The following HIPK2 variants were observed in gnomAD, a reference collection of about 807,000 sequenced individuals.
HIPK2 encodes homeodomain-interacting protein kinase 2.
In HIPK2, 27 loss-of-function variants were observed where a neutral mutation model predicts 113.7. That is an observed-to-expected ratio of 0.24 (90% CI 0.17 to 0.33). The LOEUF (loss-of-function observed/expected upper bound fraction) is 0.33. Ranked by LOEUF, HIPK2 falls within the 10% of genes least tolerant of loss-of-function variation. The pLI is 1.00. For synonymous variants in HIPK2, 631 were observed against 642.2 expected, an observed-to-expected ratio of 0.98 and a Z score of 0.26; for missense variants, 1,257 against 1,588.0, an observed-to-expected ratio of 0.79 and a Z score of 3.54.
intron 1 of HIPK2, among the ~76,000 whole-genome samples, chr7:139,729,521 CT>C (rs1228072451): frequency 2.0e-5 from 3 of 152,220 alleles, no homozygotes; most frequent in Non-Finnish European, 2.9e-5. Flanking sequence ...CAGGCCACCC[CT>C]CTTCATGCCC....
At position 139,775,219 on chromosome 7, in the gene HIPK2, A is replaced by T. The variant is rs1368869335; in HGVS notation, c.19+2386T>A. On this transcript the variant is annotated intron_variant, in intron 1 of 14. Transcript: ENST00000406875. ...CTGCTCGTTTAGCATGCACACAGGG[A>T]GTCCATGTGCTCTGATTGAGACAGG... 5.9e-5 allele frequency among the ~76,000 whole-genome samples: 9 copies of T among 152,344 alleles called. No homozygotes were observed. The South Asian group carries it at 1.2e-3, about 21-fold the overall frequency.
intron 14 of HIPK2, among the ~76,000 whole-genome samples, chr7:139,574,115 C>CTGGCACCTG (rs1161522617): frequency 2.0e-5 from 3 of 152,130 alleles, no homozygotes; most frequent in Non-Finnish European, 4.4e-5. Context: ...CGTGAGCCAC[C>CTGGCACCTG]GCACCCGGCC....
intron 2 of HIPK2, among the ~76,000 whole-genome samples, chr7:139,699,438 T>C (rs1178330964): frequency 2.0e-5 from 3 of 152,148 alleles, no homozygotes; most frequent in African/African-American, 4.8e-5. Context: ...GCCTCCTCTT[T>C]ATCACCTGGG....
At chr7:139,612,478 G>A (rs1001468765) in intron 9 of HIPK2, among the ~76,000 whole-genome samples, 6 of 152,158 alleles carry the variant, frequency 3.9e-5, no homozygotes, top group African/African-American at 1.2e-4. Context: ...ACTCTGATGA[G>A]CAAGTTATTC....
At position 139,714,792 on chromosome 7, in the gene HIPK2, A is replaced by AC. The variant is rs1179798918; in HGVS notation, c.1103+1139dup. Among the ~76,000 whole-genome samples the AC allele has an allele frequency of 1.3e-5, 2 of 151,054 alleles. No homozygotes were observed. Among genetic ancestry groups the AC allele is most frequent in the Non-Finnish European group, 3.0e-5 (2 of 67,714 alleles). On this transcript the variant is annotated intron_variant, in intron 2 of 14. Coordinates refer to ENST00000406875, the MANE Select transcript of HIPK2 (RefSeq NM_022740.5). This position sits in a 1 kb window ranked among gnomAD's most constrained non-coding sequence, Gnocchi z 4.2. ...CACTGTTCGGCACCACCCCAAACACACCCCCAGGCTGGTTCCACAGAGCAG... is the reference window on the plus strand; with the variant it reads ...CACTGTTCGGCACCACCCCAAACACACCCCCCAGGCTGGTTCCACAGAGCAG...
intron 9 of HIPK2, among the ~76,000 whole-genome samples, chr7:139,606,626 C>T (rs1171994074): frequency 6.6e-6 from 1 of 152,154 alleles, no homozygotes; most frequent in African/African-American, 2.4e-5. Flanking sequence ...CATGCTTATA[C>T]CACCCTCCAC....
At chr7:139,662,160 G>A (rs569071034) in intron 2 of HIPK2, among the ~76,000 whole-genome samples, 3 of 152,204 alleles carry the variant, frequency 2.0e-5, no homozygotes, top group South Asian at 2.1e-4. Context: ...AAGGGACCTC[G>A]CCCTCTTTAA....
intron 2 of HIPK2, among the ~76,000 whole-genome samples, chr7:139,682,288 A>C (rs1802732210): frequency 6.6e-6 from 1 of 152,226 alleles, no homozygotes; most frequent in East Asian, 1.9e-4. Context: ...CTGAGAGCCC[A>C]TAGTGAGTCA....
chr7:139,710,657 T>C (rs542101999), intron 2 of HIPK2, among the ~76,000 whole-genome samples: 1 of 152,310 alleles, frequency 6.6e-6, no homozygotes, highest in Non-Finnish European at 1.5e-5. Flanking sequence ...TAATGAATGT[T>C]TGATGAATTG....
chr7:139,681,625 T>C (rs1031804267), intron 2 of HIPK2, among the ~76,000 whole-genome samples: 10 of 151,970 alleles, frequency 6.6e-5, no homozygotes, highest in Admixed American at 2.0e-4. Flanking sequence ...AATTCCAAAT[T>C]GACTTTTGCT....
At chr7:139,614,082 G>C (rs887383264) in intron 8 of HIPK2, among the ~76,000 whole-genome samples, 1 of 152,210 alleles carries the variant, frequency 6.6e-6, no homozygotes, top group Non-Finnish European at 1.5e-5. Context: ...GGATTGACTT[G>C]GTGCTGAGGC....
Position 139,714,094 on chromosome 7 carries a change from T to G in HIPK2, c.1103+1838A>C, listed in dbSNP as rs1795147498. On this transcript the variant is annotated intron_variant, in intron 2 of 14. Coordinates refer to ENST00000406875, the MANE Select transcript of HIPK2 (RefSeq NM_022740.5). The surrounding 1 kb of genome is among the most constrained non-coding windows in gnomAD (Gnocchi z 4.2). ...TCAGGACGAGGGAGTGGAGAGCAAGTGGAGGGGCAGCAGTAGACCCGTCTG... is the reference window on the plus strand; with the variant it reads ...TCAGGACGAGGGAGTGGAGAGCAAGGGGAGGGGCAGCAGTAGACCCGTCTG... Among the ~76,000 whole-genome samples the G allele has an allele frequency of 1.3e-5, 2 of 151,492 alleles. No individual in the cohort carries two copies. Among genetic ancestry groups the G allele is most frequent in the South Asian group, 2.1e-4 (1 of 4,784 alleles).
At chr7:139,637,132 G>A (rs1476071916) in intron 2 of HIPK2, among the ~76,000 whole-genome samples, 5 of 152,154 alleles carry the variant, frequency 3.3e-5, no homozygotes, top group Non-Finnish European at 7.4e-5. Context: ...CCCCCCTGCC[G>A]CAGCAGTGGC....
chr7:139,589,724 T>G (rs181709003), intron 12 of HIPK2, among the ~76,000 whole-genome samples: 18 of 152,232 alleles, frequency 1.2e-4, no homozygotes, highest in Non-Finnish European at 1.8e-4. Flanking sequence ...ACCCAACAGG[T>G]AGTGAGCCTC....
intron 1 of HIPK2, among the ~76,000 whole-genome samples, chr7:139,770,314 T>G (rs528673372): frequency 6.6e-6 from 1 of 152,352 alleles, no homozygotes; most frequent in African/African-American, 2.4e-5. Context: ...ACTCACAACC[T>G]CGGCATTATA....
chr7:139,742,612 G>C lies in HIPK2; in HGVS notation c.20-25597C>G, dbSNP rs952005026. On this transcript the variant is annotated intron_variant, in intron 1 of 14. Transcript: ENST00000406875. ...AGGAATCTTTTAGCTCTAACAATGGGTAATTTTCTGATTTATCTTATCATT... is the reference window on the plus strand; with the variant it reads ...AGGAATCTTTTAGCTCTAACAATGGCTAATTTTCTGATTTATCTTATCATT... Among the ~76,000 whole-genome samples, 6 of 152,240 alleles carry C rather than the reference G, an allele frequency of 3.9e-5. No individual in the cohort carries two copies. The South Asian group carries it at 1.2e-3, about 32-fold the overall frequency.
At chr7:139,680,418 T>C (rs909551178) in intron 2 of HIPK2, among the ~76,000 whole-genome samples, 3 of 152,218 alleles carry the variant, frequency 2.0e-5, no homozygotes, top group African/African-American at 4.8e-5. Context: ...GGTTTTGGGA[T>C]CGAACATTAA....
chr7:139,670,207 T>C (rs1802212783), intron 2 of HIPK2, among the ~76,000 whole-genome samples: 1 of 152,130 alleles, frequency 6.6e-6, no homozygotes, highest in Non-Finnish European at 1.5e-5. Context: ...CCGGGCGGGT[T>C]GGGGTTGCCA....
At chr7:139,668,327 C>T (rs1002236964) in intron 2 of HIPK2, among the ~76,000 whole-genome samples, 6 of 151,870 alleles carry the variant, frequency 4.0e-5, no homozygotes, top group East Asian at 1.9e-4. Flanking sequence ...TTTGGGAGGC[C>T]GAGGTGGGTG....
Sources: allele counts gnomAD v4.1 joint callset (sites outside exome capture counted in the v4.1 genomes callset), GRCh38; gene constraint gnomAD v4.1.1; non-coding constraint Gnocchi (gnomAD v3.1); transcripts MANE v1.5; gene names NCBI Gene and HGNC (gene_info 2026-07-23, HGNC 2026-07-21).